The following CAST variants were observed in gnomAD, a reference collection of about 807,000 sequenced individuals.
CAST encodes MIR583 host.
In CAST, 76 loss-of-function variants were observed where a neutral mutation model predicts 119.6. The ratio of observed to expected loss-of-function variants is 0.64; its 90% CI spans 0.53 to 0.77. The LOEUF is 0.77. CAST is among the 30% of genes least tolerant of loss of function. The probability of loss-of-function intolerance (pLI) is 0.00; values close to 1 mark genes in which losing one functional copy is unlikely to be tolerated. For synonymous variants in CAST, 319 were observed against 331.6 expected (o/e 0.96, Z 0.41); for missense variants, 953 against 946.5 (o/e 1.01, Z -0.09).
chr5:96,229,203 C>A, the CAST span, among the ~76,000 whole-genome samples: 2 of 151,140 alleles, frequency 1.3e-5, no homozygotes, highest in African/African-American at 4.9e-5. Context: ...TGAACTGTAT[C>A]ACAAACACAA....
chr5:96,638,151 A>G (rs1311857593), intron 1 of CAST, among the ~76,000 whole-genome samples: 1 of 152,104 alleles, frequency 6.6e-6, no homozygotes, highest in African/African-American at 2.4e-5. Context: ...CATGCCTGTA[A>G]TCCCAGCACT....
At chr5:96,300,682 G>T in the CAST span, among the ~76,000 whole-genome samples, 1 of 151,520 alleles carries the variant, frequency 6.6e-6, no homozygotes, top group Non-Finnish European at 1.5e-5. Flanking sequence ...AGATAACTTT[G>T]GATAGTATGA....
chr5:96,218,773 T>C, the CAST span, among the ~76,000 whole-genome samples: 3 of 152,162 alleles, frequency 2.0e-5, no homozygotes, highest in Non-Finnish European at 4.4e-5. Context: ...AGTGAAAAGC[T>C]CACTTCAATA....
the CAST span, among the ~76,000 whole-genome samples, chr5:96,110,369 A>T: frequency 6.6e-6 from 1 of 152,238 alleles, no homozygotes; most frequent in Non-Finnish European, 1.5e-5. Flanking sequence ...CAATAAAGAT[A>T]ATCCTCTGAT....
intron 1 of CAST, among the ~76,000 whole-genome samples, chr5:96,604,205 C>A (rs75783207): frequency 0.013 from 1,968 of 152,234 alleles, 30 homozygotes; most frequent in Non-Finnish European, 0.017. Flanking sequence ...ATCTTATGAG[C>A]CCACCTTCCT....
chr5:96,022,942 T>C, the CAST span, among the ~76,000 whole-genome samples: 2 of 152,176 alleles, frequency 1.3e-5, no homozygotes, highest in Admixed American at 6.5e-5. Context: ...GATTGTTTGT[T>C]AATAATATCT....
chr5:96,411,759 G>C, the CAST span, among the ~76,000 whole-genome samples: 17 of 152,196 alleles, frequency 1.1e-4, no homozygotes, highest in African/African-American at 3.6e-4. Context: ...TATGCTAAAA[G>C]TAATAAATTT....
the CAST span, among the ~76,000 whole-genome samples, chr5:96,107,513 G>A: frequency 1.3e-5 from 2 of 152,074 alleles, no homozygotes; most frequent in East Asian, 1.9e-4. Context: ...GAAATTCTGG[G>A]TTGAAAATTC....
the CAST span, among the ~76,000 whole-genome samples, chr5:96,003,339 C>T: frequency 6.6e-6 from 1 of 151,996 alleles, no homozygotes; most frequent in Non-Finnish European, 1.5e-5. Context: ...GAGATCGAGA[C>T]CATCCTGGCT....
chr5:96,733,659 C>T (rs920115108), intron 9 of CAST, among the ~76,000 whole-genome samples: 1 of 152,178 alleles, frequency 6.6e-6, no homozygotes, highest in Non-Finnish European at 1.5e-5. Flanking sequence ...AGGCAGATCA[C>T]CTGAGGTCAG....
the CAST span, among the ~76,000 whole-genome samples, chr5:96,023,346 G>A: frequency 6.6e-6 from 1 of 152,212 alleles, no homozygotes; most frequent in Non-Finnish European, 1.5e-5. Context: ...TGGTGAAAAT[G>A]ATGCCCCTGG....
rs374481195 is a variant in CAST, at chr5:96,669,999, A to C, written c.76-5540A>C. ...AGCTTCCCAGGTGCTTGTGACAGGCACTGAAGGATGGGACCCACTGCTAAC... is the reference window on the plus strand; with the variant it reads ...AGCTTCCCAGGTGCTTGTGACAGGCCCTGAAGGATGGGACCCACTGCTAAC... On this transcript the variant is annotated intron_variant, in intron 1 of 31. Transcript: ENST00000675179. 9.2e-5 allele frequency among the ~76,000 whole-genome samples: 14 copies of C among 152,330 alleles called. No homozygotes were observed. In the East Asian group the frequency reaches 2.7e-3, roughly 29 times the overall value.
At chr5:96,396,196 T>C in the CAST span, among the ~76,000 whole-genome samples, 1 of 152,112 alleles carries the variant, frequency 6.6e-6, no homozygotes, top group East Asian at 1.9e-4. Context: ...GAGAAAAAAA[T>C]GTAACAAACG....
At chr5:96,768,074 T>A (rs1455765092) in intron 29 of CAST, 75 bp downstream of exon 29, 7 of 949,986 alleles carry the variant, frequency 7.4e-6, no homozygotes, top group Non-Finnish European at 1.2e-5. Flanking sequence ...GTTTTATTTA[T>A]TGATTGATCT....
the CAST span, among the ~76,000 whole-genome samples, chr5:96,255,734 G>C: frequency 6.6e-6 from 1 of 152,044 alleles, no homozygotes; most frequent in African/African-American, 2.4e-5. Flanking sequence ...AAAAGGGCCT[G>C]GTCTAATTTT....
the CAST span, among the ~76,000 whole-genome samples, chr5:96,250,978 AAGGTACAG>A: frequency 3.3e-5 from 5 of 152,118 alleles, no homozygotes; most frequent in Non-Finnish European, 2.9e-5. Context: ...AAAGGTACAG[AAGGTACAG>A]AGGTACAGAG....
chr5:96,268,355 C>T, the CAST span, among the ~76,000 whole-genome samples: 1 of 152,084 alleles, frequency 6.6e-6, no homozygotes, highest in Non-Finnish European at 1.5e-5. Flanking sequence ...GGAGAATTGC[C>T]TGAGGCAAGA....
At chr5:96,750,861 T>C (rs1161712132) in intron 20 of CAST, among the ~76,000 whole-genome samples, 179 bp downstream of exon 20, 2 of 152,230 alleles carry the variant, frequency 1.3e-5, no homozygotes, top group Non-Finnish European at 2.9e-5. Flanking sequence ...AAATTCAGAC[T>C]AAGATTTAAA....
At chr5:96,456,246 T>C in the CAST span, among the ~76,000 whole-genome samples, 2 of 152,332 alleles carry the variant, frequency 1.3e-5, no homozygotes, top group African/African-American at 4.8e-5. Flanking sequence ...TAAATGTTTA[T>C]GTGAATTCTG....
Sources: allele counts gnomAD v4.1 joint callset (sites outside exome capture counted in the v4.1 genomes callset), GRCh38; gene constraint gnomAD v4.1.1; transcripts MANE v1.5; gene names NCBI Gene and HGNC (gene_info 2026-07-23, HGNC 2026-07-21).